Variants in MYO15A observed in about 807,000 individuals in gnomAD.
The protein encoded by MYO15A is myosin XVA.
MYO15A carries 308 observed loss-of-function variants against 394.6 expected under a neutral mutation model. The observed-to-expected ratio is 0.78, with a 90% confidence interval of 0.71 to 0.86. The LOEUF (loss-of-function observed/expected upper bound fraction) is 0.86, where lower values mean the gene tolerates loss of function less well. Ranked by LOEUF, MYO15A falls within the 40% of genes least tolerant of loss-of-function variation. The pLI, the probability that MYO15A is intolerant of heterozygous loss-of-function variation, is 0.00. For synonymous variants in MYO15A, 1,957 were observed against 2,003.8 expected (o/e 0.98, Z 0.62); for missense variants, 4,606 against 4,799.1 (o/e 0.96, Z 1.19).
chr17:18,162,690 G>C lies in MYO15A; in HGVS notation c.9612+11G>C. The C allele has an allele frequency of 2.5e-6, 4 of 1,613,422 alleles. No individual in the cohort carries two copies. Among genetic ancestry groups the C allele is most frequent in the Non-Finnish European group, 3.4e-6 (4 of 1,179,538 alleles). On this transcript the variant is annotated intron_variant, in intron 58 of 65. Coordinates refer to ENST00000647165, the MANE Select transcript of MYO15A (RefSeq NM_016239.4). ...CTTCGGGCCATGTTGGTGAGCATAGGGTGGGAGTGGGTTCAAAATGAATGG... is the reference window on the plus strand; with the variant it reads ...CTTCGGGCCATGTTGGTGAGCATAGCGTGGGAGTGGGTTCAAAATGAATGG...
At chr17:18,139,498 G>A (rs750581517) in intron 18 of MYO15A, 36 bp from the exon 19 acceptor site, 17 of 1,605,982 alleles carry the variant, frequency 1.1e-5, no homozygotes, top group Non-Finnish European at 1.4e-5. Flanking sequence ...GAGAGACAGA[G>A]GCCAGGATTA....
At chr17:18,139,689 G>A in intron 19 of MYO15A, 78 bp downstream of exon 19, 1 of 1,543,524 alleles carries the variant, frequency 6.5e-7, no homozygotes, top group Non-Finnish European at 8.9e-7. Flanking sequence ...CTTCAGGCCT[G>A]GGACCGTGTT....
At chr17:18,161,514 G>C (rs1201602388) in intron 57 of MYO15A, 67 bp downstream of exon 57, 5 of 1,603,448 alleles carry the variant, frequency 3.1e-6, no homozygotes, top group Middle Eastern at 1.8e-4. Context: ...TGGACAGCTG[G>C]TGGGAGGGGA....
In MYO15A at chr17:18,131,289, C is replaced by T; in HGVS notation, c.4089C>T (p.Val1363=). ...AGTCCTTCGGTAATGCCAAAACCGTCAGGAACGACAACTCCAGCCGCTTTG... is the reference window on the plus strand; with the variant it reads ...AGTCCTTCGGTAATGCCAAAACCGTTAGGAACGACAACTCCAGCCGCTTTG... ...LLESFGNAKT[V]RNDNSSRFGK... Residue 1363 remains valine (V), a synonymous_variant, in exon 9 of 66, where the codon GTC becomes GTT. Transcript: ENST00000647165. 6.2e-7 allele frequency: 1 copy of T among 1,614,116 alleles called. No individual in the cohort carries two copies. The highest frequency in any genetic ancestry group is 8.5e-7 in the Non-Finnish European group (1 of 1,180,008).
rs756488169 is a variant in MYO15A at position 18,166,432 on chromosome 17, G to A, written c.9859G>A (p.Gly3287Ser). The change falls in exon 61 of 66, where the codon GGC (glycine) becomes AGC (serine). Residue 3287 changes from glycine (G) to serine (S), a missense_variant. By Grantham distance (56) the Gly-to-Ser change is moderately conservative. Around this residue, in one of 2 missense-constraint regions of MYO15A, gnomAD observed 2,776 missense variants for 3,109.3 expected, o/e 0.89. Coordinates refer to ENST00000647165, the MANE Select transcript of MYO15A (RefSeq NM_016239.4). ...DVASEMEQVD[G>S]GYMLWFRRVL... ...GGCCTCAGAGATGGAGCAGGTGGAC[G>A]GCGGCTACATGCTCTGGTTCCGGCG... 7.4e-6 allele frequency: 12 copies of A among 1,613,944 alleles called. No individual in the cohort carries two copies. In the East Asian group the frequency reaches 8.9e-5, roughly 12 times the overall value.
chr17:18,151,322 C>T, intron 39 of MYO15A, 32 bp downstream of exon 39: 1 of 1,614,176 alleles, frequency 6.2e-7, no homozygotes, highest in Non-Finnish European at 8.5e-7. Flanking sequence ...CTGGGGCTTC[C>T]CAGGACAGGC....
At position 18,127,834 on chromosome 17, in the gene MYO15A, G is replaced by GATATATATATAT. The variant is rs55650584; in HGVS notation, c.4032+685_4032+696dup. On this transcript the variant is annotated intron_variant, in intron 7 of 65. Coordinates refer to ENST00000647165, the MANE Select transcript of MYO15A (RefSeq NM_016239.4). ...TGGTGGAGGTGGGAAGAAAAAAAAAGATATATATATATATATATATATATA... is the reference window on the plus strand; with the variant it reads ...TGGTGGAGGTGGGAAGAAAAAAAAAGATATATATATATATATATATATATATATATATATATA... 3.1e-3 allele frequency among the ~76,000 whole-genome samples: 412 copies of GATATATATATAT among 131,048 alleles called. 1 individual carries two copies. The highest frequency in any genetic ancestry group is 5.2e-3 in the African/African-American group (184 of 35,324). The allele number at this position is 131,048 out of a possible 152,430, so 86.0% of individuals were successfully genotyped here.
chr17:18,175,292 CTTTT>C (rs1182500584), intron 65 of MYO15A, among the ~76,000 whole-genome samples: 1 of 91,276 alleles, frequency 1.1e-5, no homozygotes, highest in Non-Finnish European at 2.3e-5. Context: ...TCTAGACTAT[CTTTT>C]TTTTTTTTTT....
chr17:18,130,880 G>A (rs1193666658), intron 8 of MYO15A, 70 bp downstream of exon 8: 7 of 1,425,430 alleles, frequency 4.9e-6, no homozygotes, highest in East Asian at 4.8e-5. Flanking sequence ...GTCTGTCCAG[G>A]AAAATGCGTG....
At position 18,137,593 on chromosome 17, in the gene MYO15A, T is replaced by G. The variant is rs776564702; in HGVS notation, c.4789T>G (p.Phe1597Val). The change falls in exon 16 of 66, where the codon TTC becomes GTC. Residue 1597 changes from phenylalanine (F) to valine (V), a missense_variant. Coordinates refer to ENST00000647165, the MANE Select transcript of MYO15A (RefSeq NM_016239.4). ...LDIYGFEDLSFNSFEQLCINY... is the reference protein window; with the variant it reads ...LDIYGFEDLSVNSFEQLCINY... The stretch of plus-strand genomic sequence containing the variant: ...CCCATCCACCTGGCAGGACCTGAGC[T>G]TCAACAGCTTTGAGCAGCTGTGTAT... 5 of 1,613,734 alleles carry G rather than the reference T, an allele frequency of 3.1e-6. No individual in the cohort carries two copies. The highest frequency in any genetic ancestry group is 2.7e-5 in the African/African-American group (2 of 74,938).
chr17:18,163,823 G>A lies in MYO15A; in HGVS notation c.9772G>A (p.Val3258Ile), dbSNP rs79745502. The change falls in exon 60 of 66, where the codon GTT (valine) becomes ATT (isoleucine). Residue 3258 changes from valine (V) to isoleucine (I), a missense_variant. Physicochemically the swap from Val to Ile is conservative, Grantham distance 29. Coordinates refer to ENST00000647165, the MANE Select transcript of MYO15A (RefSeq NM_016239.4). ...PEAFNEYVIF[V>I]VTNRGQHVCP... Reference sequence around the variant, plus strand: ...GGCCTTCAATGAATATGTTATCTTCGTTGTCACCAACCGTGGTGAGTGCCA... The same window carrying A: ...GGCCTTCAATGAATATGTTATCTTCATTGTCACCAACCGTGGTGAGTGCCA... 348 of 1,613,770 alleles carry A rather than the reference G, an allele frequency of 2.2e-4. No individual in the cohort carries two copies. Among genetic ancestry groups the A allele is most frequent in the Non-Finnish European group, 2.9e-4 (338 of 1,179,832 alleles).
rs369109640 is a variant in MYO15A, at chr17:18,140,806, C to T, written c.5380C>T (p.Arg1794Cys). The T allele has an allele frequency of 1.9e-5, 30 of 1,614,020 alleles. No individual in the cohort carries two copies. The highest frequency in any genetic ancestry group is 1.6e-4 in the Middle Eastern group (1 of 6,084). Residue 1794 changes from arginine (R) to cysteine (C), a missense_variant, in exon 21 of 66, where the codon CGT becomes TGT. Coordinates refer to ENST00000647165, the MANE Select transcript of MYO15A (RefSeq NM_016239.4). ...TGCCAGGTGCAACCCCTTGTTCATG[C>T]GTTGCCTGAAGCCCAACCACAAGAA... ...KMERCNPLFM[R>C]CLKPNHKKEP...
rs854807 is a variant in MYO15A, at chr17:18,159,129, G to A, written c.9156+132G>A. 530,079 of 1,364,942 alleles carry A rather than the reference G, an allele frequency of 0.39. 107,984 individuals are homozygous for A. Among genetic ancestry groups the A allele is most frequent in the Non-Finnish European group, 0.42 (409,437 of 974,482 alleles). The allele number at this position is 1,364,942 out of a possible 1,614,324, so 84.6% of individuals were successfully genotyped here. A position where few individuals can be genotyped will look rare whatever the true frequency, so the allele number is the denominator to read the frequency against. ...TCTCAGCACCCTGATTCCCTCCCAA[G>A]GACAGCCTCTGTCCCCAGTGTTGGG... On this transcript the variant is annotated intron_variant, in intron 53 of 65. Coordinates refer to ENST00000647165, the MANE Select transcript of MYO15A (RefSeq NM_016239.4).
chr17:18,151,598 CT>C, intron 40 of MYO15A, 71 bp downstream of exon 40: 1 of 1,601,290 alleles, frequency 6.2e-7, no homozygotes, highest in Non-Finnish European at 8.5e-7. Flanking sequence ...GGCCCACCAG[CT>C]TACTGGGTTG....
At chr17:18,126,686 T>C (rs2046048616) in intron 5 of MYO15A, 105 bp from the exon 6 acceptor site, 1 of 1,339,040 alleles carries the variant, frequency 7.5e-7, no homozygotes, top group Non-Finnish European at 1.1e-6. Context: ...GGGTGAGGGG[T>C]GGGCAGGATT....
At chr17:18,125,064 G>T in intron 3 of MYO15A, 104 bp from the exon 4 acceptor site, 1 of 1,096,740 alleles carries the variant, frequency 9.1e-7, no homozygotes, top group South Asian at 1.2e-5. Context: ...AACAGGACTT[G>T]AATTCAGGCC....
intron 47 of MYO15A, among the ~76,000 whole-genome samples, chr17:18,155,710 G>T (rs74592842): frequency 3.9e-5 from 6 of 152,312 alleles, no homozygotes; most frequent in Non-Finnish European, 8.8e-5. Flanking sequence ...AGGGGCAGCT[G>T]TGCTGGAAAT....
chr17:18,126,382 A>C lies in MYO15A; in HGVS notation c.3792A>C (p.Pro1264=). 6.2e-7 allele frequency: 1 copy of C among 1,614,006 alleles called. No homozygotes were observed. The highest frequency in any genetic ancestry group is 8.5e-7 in the Non-Finnish European group (1 of 1,179,988). Reference sequence around the variant, plus strand: ...GGAGCATCCTGGTGTCGGTGAACCCATACCAAATGTTTGGAATCTATGGGC... The same window carrying C: ...GGAGCATCCTGGTGTCGGTGAACCCCTACCAAATGTTTGGAATCTATGGGC... ...YIGSILVSVN[P]YQMFGIYGPE... Residue 1264 remains proline (P), a synonymous_variant, in exon 5 of 66, where the codon CCA becomes CCC. Coordinates refer to ENST00000647165, the MANE Select transcript of MYO15A (RefSeq NM_016239.4).
At chr17:18,116,218 A>C (rs756299296) in intron 1 of MYO15A, among the ~76,000 whole-genome samples, 1 of 152,242 alleles carries the variant, frequency 6.6e-6, no homozygotes, top group African/African-American at 2.4e-5. Context: ...TTGGAGGCCC[A>C]GCTGGGCTCT....
Sources: allele counts gnomAD v4.1 joint callset (sites outside exome capture counted in the v4.1 genomes callset), GRCh38; gene constraint gnomAD v4.1.1; regional missense constraint gnomAD v4.1.1; transcripts MANE v1.5; gene names NCBI Gene and HGNC (gene_info 2026-07-23, HGNC 2026-07-21).